The following SLC4A4 variants were observed in gnomAD, a reference collection of about 807,000 sequenced individuals.
The protein encoded by SLC4A4 is solute carrier family 4 member 4, also known as electrogenic sodium bicarbonate cotransporter 1.
Under a neutral mutation model 111.5 loss-of-function variants are expected in SLC4A4, and 27 were observed. The ratio of observed to expected loss-of-function variants is 0.24; its 90% CI spans 0.18 to 0.33. SLC4A4 has a LOEUF of 0.33. SLC4A4 is among the 10% of genes least tolerant of loss of function. SLC4A4 has a pLI of 1.00. For synonymous variants in SLC4A4, 443 were observed against 463.4 expected (o/e 0.96, Z 0.57); for missense variants, 909 against 1,315.5 (o/e 0.69, Z 4.78).
intron 23 of SLC4A4, among the ~76,000 whole-genome samples, chr4:71,561,059 A>G (rs1225033760): frequency 1.3e-5 from 2 of 151,756 alleles, no homozygotes; most frequent in African/African-American, 2.4e-5. Flanking sequence ...TGCCAAAATA[A>G]TGTTTTCCAT....
At chr4:71,306,445 G>A (rs1034460173) in intron 3 of SLC4A4, among the ~76,000 whole-genome samples, 1 of 152,080 alleles carries the variant, frequency 6.6e-6, no homozygotes, top group Admixed American at 6.5e-5. Context: ...GCCAGACGTG[G>A]TGGTGCTTGC....
At chr4:71,278,874 A>C (rs1283446756) in intron 3 of SLC4A4, among the ~76,000 whole-genome samples, 1 of 152,188 alleles carries the variant, frequency 6.6e-6, no homozygotes, top group Non-Finnish European at 1.5e-5. Flanking sequence ...ATCCCTTATC[A>C]GATATATGGC....
chr4:71,333,756 C>T (rs754539443), intron 3 of SLC4A4, among the ~76,000 whole-genome samples: 2 of 152,086 alleles, frequency 1.3e-5, no homozygotes, highest in Non-Finnish European at 2.9e-5. Context: ...GTCCTTTACA[C>T]TCTTTCTTCC....
intron 16 of SLC4A4, among the ~76,000 whole-genome samples, chr4:71,528,835 G>A (rs1414717286): frequency 6.6e-6 from 1 of 151,920 alleles, no homozygotes; most frequent in African/African-American, 2.4e-5. Flanking sequence ...CAAACAGTAT[G>A]TGAAAAATTC....
At chr4:71,230,340 A>C (rs541512175) in intron 1 of SLC4A4, among the ~76,000 whole-genome samples, 7 of 152,332 alleles carry the variant, frequency 4.6e-5, no homozygotes, top group East Asian at 3.9e-4. Context: ...CCTTGTATAC[A>C]CTTAGTTTTC....
At chr4:71,121,781 G>A (rs1016866885) in intron 2 of SLC4A4, among the ~76,000 whole-genome samples, 2 of 152,172 alleles carry the variant, frequency 1.3e-5, no homozygotes, top group Non-Finnish European at 2.9e-5. Flanking sequence ...CACCTTCCAC[G>A]TTGTGGAAGC....
At chr4:71,268,141 A>C (rs1578715951) in intron 3 of SLC4A4, among the ~76,000 whole-genome samples, 1 of 123,468 alleles carries the variant, frequency 8.1e-6, no homozygotes, top group South Asian at 2.7e-4. Flanking sequence ...TTGACACGTG[A>C]GGTGCATTCT....
At chr4:71,386,768 A>G (rs1263697367) in intron 6 of SLC4A4, among the ~76,000 whole-genome samples, 3 of 152,188 alleles carry the variant, frequency 2.0e-5, no homozygotes, top group Non-Finnish European at 4.4e-5. Flanking sequence ...TCTAAGTGAT[A>G]TTTCTTTTTT....
chr4:71,316,011 A>G (rs980485379), intron 3 of SLC4A4, among the ~76,000 whole-genome samples: 8 of 152,182 alleles, frequency 5.3e-5, no homozygotes, highest in African/African-American at 1.7e-4. Context: ...GCCTTTAAGA[A>G]CAAGTTTAAA....
intron 16 of SLC4A4, among the ~76,000 whole-genome samples, chr4:71,526,478 GTT>G (rs1212644374): frequency 6.6e-6 from 1 of 151,942 alleles, no homozygotes; most frequent in African/African-American, 2.4e-5. Flanking sequence ...TAACATGAGT[GTT>G]TTTAGCTACT....
At chr4:71,261,948 G>A (rs1362677935) in intron 3 of SLC4A4, among the ~76,000 whole-genome samples, 2 of 151,842 alleles carry the variant, frequency 1.3e-5, no homozygotes, top group Admixed American at 1.3e-4. Context: ...GTGGAAAATG[G>A]GGGGAAACCA....
intron 6 of SLC4A4, among the ~76,000 whole-genome samples, chr4:71,368,143 A>G (rs1471803224): frequency 1.3e-5 from 2 of 152,226 alleles, no homozygotes; most frequent in Non-Finnish European, 2.9e-5. Flanking sequence ...GCCTTGGAGC[A>G]TGACATTTAA....
Position 71,565,237 on chromosome 4 carries a change from G to A in SLC4A4, c.3196+1348G>A, listed in dbSNP as rs148005125. Reference sequence around the variant, plus strand: ...CATGGAGAGGATATTTCCTGTCATAGCCGAAGTGTGAATTGGCCTTATGTT... The same window carrying A: ...CATGGAGAGGATATTTCCTGTCATAACCGAAGTGTGAATTGGCCTTATGTT... On this transcript the variant is annotated intron_variant, in intron 24 of 25. Transcript: ENST00000264485. Among the ~76,000 whole-genome samples the A allele has an allele frequency of 4.6e-5, 7 of 152,000 alleles. No individual in the cohort carries two copies. The East Asian group carries it at 5.9e-4, about 13-fold the overall frequency.
intron 6 of SLC4A4, among the ~76,000 whole-genome samples, chr4:71,370,557 T>A (rs1731772191): frequency 6.6e-6 from 1 of 152,208 alleles, no homozygotes; most frequent in Non-Finnish European, 1.5e-5. Flanking sequence ...GGCAAATTAC[T>A]CTTTTACCGT....
intron 7 of SLC4A4, among the ~76,000 whole-genome samples, chr4:71,417,202 T>C (rs1260438970): frequency 1.3e-5 from 2 of 152,214 alleles, no homozygotes; most frequent in Non-Finnish European, 2.9e-5. Flanking sequence ...GAATGATACA[T>C]GGTTTCTTTT....
At chr4:71,096,925 T>C (rs1345536331) in intron 2 of SLC4A4, among the ~76,000 whole-genome samples, 1 of 152,204 alleles carries the variant, frequency 6.6e-6, no homozygotes, top group Non-Finnish European at 1.5e-5. Context: ...CTGAGTTCTT[T>C]TATGAATTAG....
chr4:71,116,642 G>T (rs878977390), intron 2 of SLC4A4, among the ~76,000 whole-genome samples: 1 of 152,166 alleles, frequency 6.6e-6, no homozygotes, highest in Non-Finnish European at 1.5e-5. Flanking sequence ...GTGTTTGAGT[G>T]TGTATTAAGA....
intron 14 of SLC4A4, among the ~76,000 whole-genome samples, chr4:71,482,200 C>T (rs536000500): frequency 1.3e-5 from 2 of 151,686 alleles, no homozygotes; most frequent in Admixed American, 1.3e-4. Flanking sequence ...TGTTTATGGA[C>T]TCTAACATAC....
intron 2 of SLC4A4, among the ~76,000 whole-genome samples, chr4:71,133,915 G>A (rs943880900): frequency 2.0e-5 from 3 of 152,090 alleles, no homozygotes; most frequent in African/African-American, 7.2e-5. Flanking sequence ...ACCTTGCTCT[G>A]TCTTGCTGGC....
Sources: gnomAD v4.1 joint callset for allele counts (sites outside exome capture counted in the v4.1 genomes callset) on GRCh38, gnomAD v4.1.1 for gene constraint, MANE v1.5 for transcripts, NCBI Gene and HGNC (gene_info 2026-07-23, HGNC 2026-07-21) for gene names.